Variants in IL10RB observed in about 807,000 individuals in gnomAD.
IL10RB encodes the protein interleukin 10 receptor subunit beta, also known as interleukin-10 receptor subunit beta.
Under a neutral mutation model 38.7 loss-of-function variants are expected in IL10RB, and 30 were observed. That is an observed-to-expected ratio of 0.78 (90% CI 0.58 to 1.05). The LOEUF (loss-of-function observed/expected upper bound fraction) is 1.05, where lower values mean the gene tolerates loss of function less well. IL10RB is among the 50% of genes least tolerant of loss of function. The pLI, the probability that IL10RB is intolerant of heterozygous loss-of-function variation, is 0.00. For missense variants in IL10RB, 328 were observed against 397.1 expected (o/e 0.83, Z 1.48); for synonymous variants, 142 against 145.9 (o/e 0.97, Z 0.19).
At chr21:33,282,007 A>T (rs1989288912) in intron 4 of IL10RB, among the ~76,000 whole-genome samples, 2 of 152,212 alleles carry the variant, frequency 1.3e-5, no homozygotes, top group African/African-American at 4.8e-5. Context: ...TCTTTGAAAA[A>T]ATTTGCATTG....
intron 6 of IL10RB, among the ~76,000 whole-genome samples, chr21:33,290,917 C>T (rs1033018176): frequency 2.6e-5 from 4 of 152,188 alleles, no homozygotes; most frequent in Non-Finnish European, 2.9e-5. Flanking sequence ...GATTCTCTCA[C>T]GGTTCTCGAG....
chr21:33,268,269 C>G, intron 1 of IL10RB, 125 bp from the exon 2 acceptor site: 1 of 1,561,272 alleles, frequency 6.4e-7, no homozygotes, highest in Non-Finnish European at 8.7e-7. Flanking sequence ...GTCTCTCCCT[C>G]CCTCACCCAC....
chr21:33,276,472 G>T, intron 2 of IL10RB, 124 bp from the exon 3 acceptor site: 2 of 761,512 alleles, frequency 2.6e-6, no homozygotes, highest in South Asian at 2.9e-5. Flanking sequence ...TTGAAGACAC[G>T]TATTTCTATG....
chr21:33,266,372 C>A lies in IL10RB; in HGVS notation c.-94C>A, dbSNP rs556338583. The A allele has an allele frequency of 3.9e-5, 56 of 1,428,112 alleles. No homozygotes were observed. Among genetic ancestry groups the A allele is most frequent in the Non-Finnish European group, 5.1e-5 (54 of 1,054,988 alleles). 88.5% of individuals were successfully genotyped at this position (1,428,112 alleles called of 1,614,324 possible). A position where few individuals can be genotyped will look rare whatever the true frequency, so the allele number is the denominator to read the frequency against. ...CTCCCCACCCCGCCCCGCCCATCTC[C>A]GCTGGTTCCCGGAAGCCGCCGCGGA... On this transcript the variant is annotated 5_prime_UTR_variant, in exon 1 of 7. Coordinates refer to ENST00000290200, the MANE Select transcript of IL10RB (RefSeq NM_000628.5).
In IL10RB at chr21:33,266,566, G is replaced by C. The variant is rs774371439; in HGVS notation, c.49+52G>C. 25 of 1,517,208 alleles carry C rather than the reference G, an allele frequency of 1.6e-5. No individual in the cohort carries two copies. In the Admixed American group the frequency reaches 4.5e-4, roughly 27 times the overall value. The allele number at this position is 1,517,208 out of a possible 1,614,324, so 94.0% of individuals were successfully genotyped here. The stretch of plus-strand genomic sequence containing the variant: ...GCTTGGGAACCGGGAGGCCCCGCGA[G>C]ATGCCGCCCCTGATCCCATCCCTGG... On this transcript the variant is annotated intron_variant, in intron 1 of 6. Transcript: ENST00000290200.
intron 1 of IL10RB, among the ~76,000 whole-genome samples, chr21:33,302,367 C>T (rs563667350): frequency 6.6e-6 from 1 of 152,276 alleles, no homozygotes; most frequent in Non-Finnish European, 1.5e-5. Context: ...CCGATGACTG[C>T]TCCATGCGGG....
chr21:33,291,864 G>A (rs974652940), intron 6 of IL10RB, among the ~76,000 whole-genome samples: 1 of 152,146 alleles, frequency 6.6e-6, no homozygotes, highest in Non-Finnish European at 1.5e-5. Flanking sequence ...CACAGCAGTG[G>A]TGGCTACCCA....
intron 6 of IL10RB, among the ~76,000 whole-genome samples, chr21:33,290,447 C>T (rs1253985798): frequency 6.6e-6 from 1 of 152,210 alleles, no homozygotes; most frequent in Admixed American, 6.5e-5. Flanking sequence ...GGATCTGCCC[C>T]GTGGGCCTTT....
chr21:33,267,731 G>C (rs372401530), intron 1 of IL10RB, among the ~76,000 whole-genome samples: 2 of 151,950 alleles, frequency 1.3e-5, no homozygotes, highest in African/African-American at 4.8e-5. Flanking sequence ...GGCCAGGCTG[G>C]TCTCGAACTC....
chr21:33,308,899 C>A (rs976801640), intron 1 of IL10RB: 5 of 152,202 alleles, frequency 3.3e-5, no homozygotes, highest in African/African-American at 1.2e-4. Context: ...AAACCATTGC[C>A]TTTAAGGGTG....
In IL10RB at chr21:33,295,740, A is replaced by G. The variant is rs901031317; in HGVS notation, c.805-444A>G. Among the ~76,000 whole-genome samples the G allele has an allele frequency of 2.0e-5, 3 of 151,908 alleles. No individual in the cohort carries two copies. The South Asian group carries it at 6.2e-4, about 32-fold the overall frequency. On this transcript the variant is annotated intron_variant, in intron 6 of 6. Coordinates refer to ENST00000290200, the MANE Select transcript of IL10RB (RefSeq NM_000628.5). ...TCCCCACTTGTAAAAAAATAAAATA[A>G]AAATAAATAATAAATCAAAAGATGC...
chr21:33,272,789 T>G (rs554622006), intron 2 of IL10RB, among the ~76,000 whole-genome samples: 12 of 152,300 alleles, frequency 7.9e-5, no homozygotes, highest in African/African-American at 2.9e-4. Context: ...CTTCCTTTGA[T>G]CACGTGGAGC....
rs45475398 is a variant in IL10RB at position 33,277,126 on chromosome 21, T to A, written c.331+373T>A. Among the ~76,000 whole-genome samples, 43 of 152,164 alleles carry A rather than the reference T, an allele frequency of 2.8e-4. 1 individual carries two copies. The highest frequency in any genetic ancestry group is 2.6e-3 in the Admixed American group (40 of 15,268). ...AAACATAACGTGATAGGCAAAAGAA[T>A]GAAGGCAGATGTAGAGATGGAAAAT... is the stretch of plus-strand genomic sequence containing the variant. On this transcript the variant is annotated intron_variant, in intron 3 of 6. Transcript: ENST00000290200.
chr21:33,294,431 A>G (rs190623158), intron 6 of IL10RB, among the ~76,000 whole-genome samples: 1 of 151,962 alleles, frequency 6.6e-6, no homozygotes, highest in African/African-American at 2.4e-5. Flanking sequence ...CTCAGCTGAT[A>G]CTGCTTCCTT....
chr21:33,282,645 G>A (rs1989300635), intron 4 of IL10RB, among the ~76,000 whole-genome samples: 1 of 152,100 alleles, frequency 6.6e-6, no homozygotes, highest in African/African-American at 2.4e-5. Flanking sequence ...GCAGTGTGGG[G>A]TGATCCTGGC....
intron 6 of IL10RB, among the ~76,000 whole-genome samples, chr21:33,295,842 C>G (rs1451224869): frequency 6.6e-6 from 1 of 152,040 alleles, no homozygotes; most frequent in African/African-American, 2.4e-5. Flanking sequence ...GTCAGGAGTT[C>G]AAGACCAGCC....
chr21:33,294,075 T>C (rs1989541931), intron 6 of IL10RB: 1 of 470,848 alleles, frequency 2.1e-6, no homozygotes, highest in Non-Finnish European at 4.4e-6. Context: ...TGGCATAAGC[T>C]CTCACCTCCG....
In IL10RB at chr21:33,266,397, A is replaced by T; in HGVS notation, c.-69A>T. 6.6e-7 allele frequency: 1 copy of T among 1,507,876 alleles called. No homozygotes were observed. Among genetic ancestry groups the T allele is most frequent in the Non-Finnish European group, 8.9e-7 (1 of 1,124,200 alleles). 93.4% of individuals were successfully genotyped at this position (1,507,876 alleles called of 1,614,324 possible). A position where few individuals can be genotyped will look rare whatever the true frequency, so the allele number is the denominator to read the frequency against. On this transcript the variant is annotated 5_prime_UTR_variant, in exon 1 of 7. Transcript: ENST00000290200. ...CGCTGGTTCCCGGAAGCCGCCGCGG[A>T]CAAGCTCTCCCGGGCGCGGGCGGGG...
intron 2 of IL10RB, among the ~76,000 whole-genome samples, chr21:33,271,843 G>A (rs967386275): frequency 6.6e-6 from 1 of 152,068 alleles, no homozygotes; most frequent in Non-Finnish European, 1.5e-5. Flanking sequence ...AGTAATCCCA[G>A]TACTTTGGGG....
Sources: gnomAD v4.1 joint callset for allele counts (sites outside exome capture counted in the v4.1 genomes callset) on GRCh38, gnomAD v4.1.1 for gene constraint, MANE v1.5 for transcripts, NCBI Gene and HGNC (gene_info 2026-07-23, HGNC 2026-07-21) for gene names.